Variants in CHSY3 observed in about 807,000 individuals in gnomAD.
The protein encoded by CHSY3 is chondroitin sulfate synthase 3, also known as N-acetylgalactosaminyl-proteoglycan 3-beta-glucuronosyltransferase 3.
In CHSY3, 35 loss-of-function variants were observed where a neutral mutation model predicts 67.2. The ratio of observed to expected loss-of-function variants is 0.52; its 90% CI spans 0.40 to 0.69. The LOEUF is 0.69. CHSY3 is among the 30% of genes least tolerant of loss of function. The pLI is 0.00. For synonymous variants in CHSY3, 474 were observed against 434.7 expected, an observed-to-expected ratio of 1.09 and a Z score of -1.12; for missense variants, 1,069 against 1,138.5, an observed-to-expected ratio of 0.94 and a Z score of 0.88.
At chr5:129,990,296 A>G (rs2149629543) in intron 2 of CHSY3, among the ~76,000 whole-genome samples, 1 of 152,010 alleles carries the variant, frequency 6.6e-6, no homozygotes, top group Middle Eastern at 3.4e-3. Flanking sequence ...GGTTTAGGAT[A>G]GGTTTCAGGG....
At chr5:130,080,148 G>A (rs1390535888) in intron 2 of CHSY3, among the ~76,000 whole-genome samples, 1 of 151,516 alleles carries the variant, frequency 6.6e-6, no homozygotes. Flanking sequence ...TCATGCTACT[G>A]TTTCTGCAAG....
intron 2 of CHSY3, among the ~76,000 whole-genome samples, chr5:130,133,373 T>A (rs938891519): frequency 5.3e-5 from 8 of 152,144 alleles, no homozygotes; most frequent in Non-Finnish European, 1.0e-4. Flanking sequence ...GTGGGATGCA[T>A]AATTTATACT....
Position 130,140,422 on chromosome 5 carries a change from T to A in CHSY3, c.1087-43807T>A, listed in dbSNP as rs1001456320. 4.7e-6 allele frequency: 4 copies of A among 858,158 alleles called. No homozygotes were observed. The Admixed American group carries it at 9.5e-5, about 20-fold the overall frequency. 53.2% of individuals were successfully genotyped at this position (858,158 alleles called of 1,614,324 possible). ...AAAGATGAAGGAAATTGCAGAAACC[T>A]ACCTTGGAAAGACTGTTACCAATGC... is the stretch of plus-strand genomic sequence containing the variant. On this transcript the variant is annotated intron_variant, in intron 2 of 2. Transcript: ENST00000305031.
At chr5:130,082,854 A>G (rs114174760) in intron 2 of CHSY3, among the ~76,000 whole-genome samples, 1,984 of 151,822 alleles carry the variant, frequency 0.013, 34 homozygotes, top group African/African-American at 0.045. Context: ...AGCACTATAT[A>G]TATGTGTGTA....
intron 2 of CHSY3, among the ~76,000 whole-genome samples, chr5:130,043,922 C>G (rs886221476): frequency 6.6e-6 from 1 of 151,984 alleles, no homozygotes; most frequent in Non-Finnish European, 1.5e-5. Context: ...CATGCAAGGC[C>G]TCTATTGTCA....
At chr5:130,121,777 T>C (rs1171714908) in intron 2 of CHSY3, among the ~76,000 whole-genome samples, 1 of 152,262 alleles carries the variant, frequency 6.6e-6, no homozygotes, top group Non-Finnish European at 1.5e-5. Context: ...TATTGCTTTA[T>C]TGAGCCAGGT....
intron 2 of CHSY3, among the ~76,000 whole-genome samples, chr5:130,160,837 A>C (rs1008884290): frequency 2.6e-5 from 4 of 152,054 alleles, no homozygotes; most frequent in Admixed American, 2.6e-4. Context: ...TGGAGGGAAT[A>C]CCAGGGAATG....
chr5:130,159,799 C>T (rs1336436067), intron 2 of CHSY3, among the ~76,000 whole-genome samples: 1 of 152,164 alleles, frequency 6.6e-6, no homozygotes, highest in East Asian at 1.9e-4. Context: ...GGATCAGCAT[C>T]AGTGATCACT....
At chr5:130,084,266 A>G (rs1177587642) in intron 2 of CHSY3, among the ~76,000 whole-genome samples, 3 of 152,058 alleles carry the variant, frequency 2.0e-5, no homozygotes, top group Non-Finnish European at 4.4e-5. Context: ...AACGGTGACT[A>G]TAGCTACTAA....
intron 2 of CHSY3, among the ~76,000 whole-genome samples, chr5:130,081,727 T>C (rs1339557801): frequency 6.6e-6 from 1 of 152,088 alleles, no homozygotes. Context: ...CCTTCTACCA[T>C]GTGAGATGTG....
chr5:129,904,137 G>T (rs146070655), upstream of CHSY3, among the ~76,000 whole-genome samples: 351 of 152,192 alleles, frequency 2.3e-3, 3 homozygotes, highest in African/African-American at 8.3e-3. Context: ...GGAGGCCAGC[G>T]GAGGGGCGGG....
intron 2 of CHSY3, among the ~76,000 whole-genome samples, chr5:130,074,784 T>C (rs1405657521): frequency 2.6e-5 from 4 of 152,200 alleles, no homozygotes; most frequent in African/African-American, 9.6e-5. Context: ...TAGGATTCAA[T>C]ACTTGTTGAA....
intron 2 of CHSY3, among the ~76,000 whole-genome samples, chr5:129,923,384 A>G (rs1760986308): frequency 6.6e-6 from 1 of 152,094 alleles, no homozygotes; most frequent in Admixed American, 6.6e-5. Context: ...TGCTTTGTGA[A>G]CATCGAGTTT....
At chr5:130,078,166 G>C (rs2149685294) in intron 2 of CHSY3, among the ~76,000 whole-genome samples, 1 of 152,148 alleles carries the variant, frequency 6.6e-6, no homozygotes, top group South Asian at 2.1e-4. Flanking sequence ...CTGATCCCAG[G>C]TTCCAAATAC....
At chr5:130,100,714 T>C (rs1013423469) in intron 2 of CHSY3, among the ~76,000 whole-genome samples, 1 of 152,230 alleles carries the variant, frequency 6.6e-6, no homozygotes, top group Non-Finnish European at 1.5e-5. Context: ...ACTAACTTTA[T>C]GAAGTTCATT....
At position 130,140,860 on chromosome 5, in the gene CHSY3, G is replaced by A. The variant is rs149428383; in HGVS notation, c.1087-43369G>A. The A allele has an allele frequency of 1.1e-3, 319 of 299,594 alleles. 2 individuals are homozygous for A. The highest frequency in any genetic ancestry group is 6.1e-3 in the African/African-American group (274 of 44,738). 18.6% of individuals were successfully genotyped at this position (299,594 alleles called of 1,614,324 possible). On this transcript the variant is annotated intron_variant, in intron 2 of 2. Transcript: ENST00000305031. ...AGCATATTCTCTCTTCCAGCACCCAGGCCAGTATTGAGATCTATTTTCTCT... is the reference window on the plus strand; with the variant it reads ...AGCATATTCTCTCTTCCAGCACCCAAGCCAGTATTGAGATCTATTTTCTCT...
chr5:129,929,965 G>C (rs190219631), intron 2 of CHSY3, among the ~76,000 whole-genome samples: 1 of 152,202 alleles, frequency 6.6e-6, no homozygotes, highest in East Asian at 1.9e-4. Context: ...ATGTTAACTC[G>C]TACAGTAAAA....
At chr5:130,148,991 T>C (rs1217053366) in intron 2 of CHSY3, among the ~76,000 whole-genome samples, 1 of 152,208 alleles carries the variant, frequency 6.6e-6, no homozygotes, top group Non-Finnish European at 1.5e-5. Context: ...CAGAATGGTG[T>C]TGCCTAGGTT....
At chr5:130,054,124 A>G (rs1043725124) in intron 2 of CHSY3, among the ~76,000 whole-genome samples, 8 of 152,046 alleles carry the variant, frequency 5.3e-5, no homozygotes, top group African/African-American at 1.9e-4. Flanking sequence ...CACGCTTTGT[A>G]TCTCTTGGTA....
Sources: allele counts gnomAD v4.1 joint callset (sites outside exome capture counted in the v4.1 genomes callset), GRCh38; gene constraint gnomAD v4.1.1; transcripts MANE v1.5; gene names NCBI Gene and HGNC (gene_info 2026-07-23, HGNC 2026-07-21).